The following TRIM2 variants were observed in gnomAD, a reference collection of about 807,000 sequenced individuals.
The protein encoded by TRIM2 is tripartite motif containing 2, also known as tripartite motif-containing protein 2.
TRIM2 carries 20 observed loss-of-function variants against 75.2 expected under a neutral mutation model. That is an observed-to-expected ratio of 0.27 (90% CI 0.19 to 0.39). The LOEUF is 0.39. TRIM2 is among the 10% of genes least tolerant of loss of function. The pLI is 1.00. For missense variants in TRIM2, 660 were observed against 990.8 expected (o/e 0.67, Z 4.48); for synonymous variants, 373 against 388.3 (o/e 0.96, Z 0.46).
At chr4:153,297,977 C>T (rs1763090114) in intron 6 of TRIM2, among the ~76,000 whole-genome samples, 2 of 152,186 alleles carry the variant, frequency 1.3e-5, no homozygotes, top group African/African-American at 4.8e-5. Context: ...TCATAATCAT[C>T]ATCACCTCTG....
intron 1 of TRIM2, among the ~76,000 whole-genome samples, chr4:153,254,482 C>T (rs1478767769): frequency 6.6e-6 from 1 of 152,194 alleles, no homozygotes; most frequent in Non-Finnish European, 1.5e-5. Flanking sequence ...CCCAAGAATC[C>T]TGGGCTCTTC....
intron 1 of TRIM2, among the ~76,000 whole-genome samples, chr4:153,235,685 A>G (rs1578784965): frequency 6.6e-6 from 1 of 152,220 alleles, no homozygotes; most frequent in South Asian, 2.1e-4. Flanking sequence ...TTTTTAAAGA[A>G]GGCTCAATTC....
Position 153,337,662 on chromosome 4 carries a change from G to T in TRIM2, c.*2696G>T. On this transcript the variant is annotated 3_prime_UTR_variant, in exon 12 of 12. Coordinates refer to ENST00000338700, the MANE Select transcript of TRIM2 (RefSeq NM_015271.5). ...GTAGACAAAATTTAAATGAAATTTTGTCACATTCTATGGAAAATGGTTTCT... is the reference window on the plus strand; with the variant it reads ...GTAGACAAAATTTAAATGAAATTTTTTCACATTCTATGGAAAATGGTTTCT... The T allele has an allele frequency of 1.0e-6, 1 of 985,820 alleles. No homozygotes were observed. Among genetic ancestry groups the T allele is most frequent in the Non-Finnish European group, 1.2e-6 (1 of 829,930 alleles). 61.1% of individuals were successfully genotyped at this position (985,820 alleles called of 1,614,324 possible).
intron 6 of TRIM2, among the ~76,000 whole-genome samples, chr4:153,305,104 A>C (rs1355765186): frequency 6.6e-6 from 1 of 152,188 alleles, no homozygotes; most frequent in Admixed American, 6.5e-5. Context: ...GAACAATTTA[A>C]ACTCCCAGCT....
upstream of TRIM2, among the ~76,000 whole-genome samples, chr4:153,202,300 A>G (rs1452618948): frequency 6.6e-6 from 1 of 152,230 alleles, no homozygotes; most frequent in Non-Finnish European, 1.5e-5. Flanking sequence ...TTCAAATGTA[A>G]TGACTGTACT....
rs927755127 is a variant in TRIM2 at position 153,294,433 on chromosome 4, G to A, written c.734G>A (p.Arg245His). 5.0e-6 allele frequency: 8 copies of A among 1,613,990 alleles called. No homozygotes were observed. The highest frequency in any genetic ancestry group is 1.7e-5 in the Admixed American group (1 of 59,988). ...GAGCTCCAGAAGACTTTAAATGTGC[G>A]CAAGAGTGTGCTGCTTATGGAATTG... ...FDELQKTLNV[R>H]KSVLLMELEV... The change falls in exon 5 of 12, where the codon CGC (arginine) becomes CAC (histidine). Residue 245 changes from arginine to histidine, a missense_variant. Physicochemically the swap from Arg to His is conservative, Grantham distance 29. Coordinates refer to ENST00000338700, the MANE Select transcript of TRIM2 (RefSeq NM_015271.5).
Position 153,276,022 on chromosome 4 carries a change from C to A in TRIM2, c.345C>A (p.Asp115Glu), listed in dbSNP as rs536693739. The A allele has an allele frequency of 1.2e-6, 2 of 1,614,230 alleles. No homozygotes were observed. The highest frequency in any genetic ancestry group is 1.7e-6 in the Non-Finnish European group (2 of 1,180,052). The change falls in exon 3 of 12, where the codon GAC becomes GAA. Residue 115 changes from aspartate (D) to glutamate (E), a missense_variant. Physicochemically the swap from Asp to Glu is conservative, Grantham distance 45. This residue lies in a region of TRIM2 where 620 missense variants were observed against 891.0 expected (regional missense o/e 0.70). Transcript: ENST00000338700. ...ATTTCTTCATCACAAACCTGATGGA[C>A]GTGCTGCAGCGAACTCCAGGCAGCA... ...QNNFFITNLM[D>E]VLQRTPGSNA...
chr4:153,338,667 T>C lies in TRIM2; in HGVS notation c.*3701T>C. Reference sequence around the variant, plus strand: ...AATGACAGTAAGCTACAAATCATGATGCTTAAAAACTTTCTAAAGATGAAT... The same window carrying C: ...AATGACAGTAAGCTACAAATCATGACGCTTAAAAACTTTCTAAAGATGAAT... On this transcript the variant is annotated 3_prime_UTR_variant, in exon 12 of 12. Transcript: ENST00000338700. 3 of 985,826 alleles carry C rather than the reference T, an allele frequency of 3.0e-6. No individual in the cohort carries two copies. The highest frequency in any genetic ancestry group is 3.6e-6 in the Non-Finnish European group (3 of 829,902). The allele number at this position is 985,826 out of a possible 1,614,324, so 61.1% of individuals were successfully genotyped here. A position where few individuals can be genotyped will look rare whatever the true frequency, so the allele number is the denominator to read the frequency against.
At chr4:153,288,777 T>C (rs1579370350) in intron 3 of TRIM2, among the ~76,000 whole-genome samples, 2 of 144,876 alleles carry the variant, frequency 1.4e-5, no homozygotes, top group South Asian at 4.4e-4. Context: ...TTTTTCTTCC[T>C]TTTTTTTTTT....
At chr4:153,175,697 T>C (rs1377117362) in intron 1 of TRIM2, among the ~76,000 whole-genome samples, 1 of 152,202 alleles carries the variant, frequency 6.6e-6, no homozygotes, top group Non-Finnish European at 1.5e-5. Context: ...TCTTAAAAAG[T>C]GATATCTGAG....
chr4:153,221,095 C>T (rs973293269), intron 1 of TRIM2, among the ~76,000 whole-genome samples: 1 of 152,160 alleles, frequency 6.6e-6, no homozygotes, highest in African/African-American at 2.4e-5. Context: ...ATCCAAATGT[C>T]TATCAAATGT....
intron 6 of TRIM2, among the ~76,000 whole-genome samples, chr4:153,303,630 T>TA (rs1400344192): frequency 6.6e-6 from 1 of 152,196 alleles, no homozygotes; most frequent in Non-Finnish European, 1.5e-5. Flanking sequence ...GCCAATCACA[T>TA]ACACATGTGA....
chr4:153,245,838 G>A lies in TRIM2; in HGVS notation c.31-24497G>A, dbSNP rs1217851037. On this transcript the variant is annotated intron_variant, in intron 1 of 11. Transcript: ENST00000338700. Reference sequence around the variant, plus strand: ...ACTACAGGTGTGCACCACCATGCACGGCTAGTTTCTTTGTATTTTTTGTAG... The same window carrying A: ...ACTACAGGTGTGCACCACCATGCACAGCTAGTTTCTTTGTATTTTTTGTAG... 4.6e-5 allele frequency among the ~76,000 whole-genome samples: 7 copies of A among 152,050 alleles called. No individual in the cohort carries two copies. In the East Asian group the frequency reaches 1.3e-3, roughly 29 times the overall value.
At chr4:153,239,902 T>C (rs1437114023) in intron 1 of TRIM2, among the ~76,000 whole-genome samples, 1 of 150,782 alleles carries the variant, frequency 6.6e-6, no homozygotes, top group Non-Finnish European at 1.5e-5. Flanking sequence ...AGTGGCGTTA[T>C]CTGCAACCTC....
In TRIM2 at chr4:153,183,657, G is replaced by T. The variant is rs192061734; in HGVS notation, c.-49+30387G>T. Among the ~76,000 whole-genome samples the T allele has an allele frequency of 1.6e-3, 250 of 152,282 alleles. 1 individual carries two copies. The highest frequency in any genetic ancestry group is 5.8e-3 in the African/African-American group (241 of 41,572). On this transcript the variant is annotated intron_variant, in intron 1 of 11. Coordinates refer to the TRIM2 transcript ENST00000437508. ...GAGGCTGAAACTCATATGAGAGGAC[G>T]GGCTGGGTTCAAGACATCAGATCAG...
intron 1 of TRIM2, among the ~76,000 whole-genome samples, chr4:153,268,921 C>G (rs1273399895): frequency 6.6e-6 from 1 of 152,194 alleles, no homozygotes; most frequent in Non-Finnish European, 1.5e-5. Context: ...TACCTCTAGC[C>G]TTTGTCCCTA....
At chr4:153,267,082 A>G (rs914036188) in intron 1 of TRIM2, 57 of 132,170 alleles carry the variant, frequency 4.3e-4, no homozygotes, top group South Asian at 6.9e-4. Flanking sequence ...AAGGAAAACT[A>G]TTATTTATAT....
intron 1 of TRIM2, among the ~76,000 whole-genome samples, chr4:153,164,478 C>T (rs992469552): frequency 3.2e-4 from 48 of 152,120 alleles, no homozygotes; most frequent in African/African-American, 1.1e-3. Context: ...AAATTGTCTT[C>T]TTTCTGCTAT....
intron 6 of TRIM2, among the ~76,000 whole-genome samples, chr4:153,298,832 C>T (rs1763274719): frequency 6.6e-6 from 1 of 152,130 alleles, no homozygotes; most frequent in Non-Finnish European, 1.5e-5. Context: ...CTCCTGGGCT[C>T]AGGTGATCCT....
Sources: gnomAD v4.1 joint callset for allele counts (sites outside exome capture counted in the v4.1 genomes callset) on GRCh38, gnomAD v4.1.1 for gene constraint, gnomAD v4.1.1 regional missense constraint, MANE v1.5 for transcripts, NCBI Gene and HGNC (gene_info 2026-07-23, HGNC 2026-07-21) for gene names.